GPHN: variants seen among roughly 807,000 people sequenced by gnomAD.
GPHN encodes the protein gephyrin.
In GPHN, 17 loss-of-function variants were observed where a neutral mutation model predicts 95.5. The observed-to-expected ratio is 0.18, with a 90% CI of 0.12 to 0.27. The LOEUF is 0.27. Ranked by LOEUF, GPHN falls within the 10% of genes least tolerant of loss-of-function variation. The probability of loss-of-function intolerance (pLI) is 1.00; values close to 1 mark genes in which losing one functional copy is unlikely to be tolerated. For synonymous variants in GPHN, 320 were observed against 322.5 expected, an observed-to-expected ratio of 0.99 and a Z score of 0.08; for missense variants, 660 against 978.1, an observed-to-expected ratio of 0.67 and a Z score of 4.34.
At chr14:67,111,535 T>A (rs934553041) in intron 14 of GPHN, among the ~76,000 whole-genome samples, 20 of 152,304 alleles carry the variant, frequency 1.3e-4, no homozygotes, top group African/African-American at 4.8e-4. Flanking sequence ...CACCTACATA[T>A]GTATATAAAA....
the GPHN span, among the ~76,000 whole-genome samples, chr14:67,681,813 C>T: frequency 6.6e-6 from 1 of 151,994 alleles, no homozygotes; most frequent in Non-Finnish European, 1.5e-5. Context: ...AGATCACAGA[C>T]CTATGTAATG....
the GPHN span, among the ~76,000 whole-genome samples, chr14:67,194,128 C>T: frequency 2.0e-5 from 3 of 151,638 alleles, no homozygotes; most frequent in Non-Finnish European, 4.4e-5. Flanking sequence ...TTTGGGAGGC[C>T]GAGGTGGGCA....
the GPHN span, among the ~76,000 whole-genome samples, chr14:67,205,563 A>G: frequency 6.6e-6 from 1 of 152,244 alleles, no homozygotes; most frequent in Admixed American, 6.5e-5. Context: ...GAAATAGGAT[A>G]ATAAAAAACA....
chr14:66,907,290 C>T (rs967422244), intron 5 of GPHN, among the ~76,000 whole-genome samples: 1 of 152,140 alleles, frequency 6.6e-6, no homozygotes. Flanking sequence ...GACATCCTTA[C>T]ATGCATATTG....
At chr14:67,151,965 C>G (rs2081311865) in intron 18 of GPHN, among the ~76,000 whole-genome samples, 1 of 152,008 alleles carries the variant, frequency 6.6e-6, no homozygotes, top group South Asian at 2.1e-4. Context: ...TTAAGCCACT[C>G]ATAAAGTGTA....
the GPHN span, among the ~76,000 whole-genome samples, chr14:67,575,018 T>A: frequency 1.3e-5 from 2 of 152,216 alleles, no homozygotes; most frequent in African/African-American, 2.4e-5. Flanking sequence ...TTCTGTTCCT[T>A]CATGATGCAT....
chr14:67,465,153 G>A, the GPHN span, among the ~76,000 whole-genome samples: 77 of 152,378 alleles, frequency 5.1e-4, no homozygotes, highest in Non-Finnish European at 1.0e-3. Context: ...GCACACAGAG[G>A]GCTTCCAGGC....
chr14:67,390,089 C>T, the GPHN span, among the ~76,000 whole-genome samples: 3 of 152,114 alleles, frequency 2.0e-5, no homozygotes, highest in Non-Finnish European at 4.4e-5. Context: ...ACTAAAGGGC[C>T]CTTTTTCTTT....
chr14:67,662,548 G>C, the GPHN span: 1 of 1,603,542 alleles, frequency 6.2e-7, no homozygotes, highest in Non-Finnish European at 8.5e-7. Flanking sequence ...AGAAAAGATA[G>C]ATAAGTTTCA....
chr14:67,438,854 C>T, the GPHN span, among the ~76,000 whole-genome samples: 2 of 138,910 alleles, frequency 1.4e-5, no homozygotes, highest in Non-Finnish European at 3.0e-5. Context: ...GAGTGAGACT[C>T]CGTCTCAAAA....
At chr14:67,695,737 C>T in the GPHN span, 4 of 1,604,636 alleles carry the variant, frequency 2.5e-6, no homozygotes, top group African/African-American at 1.3e-5. Flanking sequence ...GAGCGGGATG[C>T]TCCAGCGTTG....
At chr14:66,915,809 A>G (rs1296335087) in intron 5 of GPHN, among the ~76,000 whole-genome samples, 194 bp from the exon 6 acceptor site, 1 of 152,212 alleles carries the variant, frequency 6.6e-6, no homozygotes, top group Non-Finnish European at 1.5e-5. Context: ...CCAATTTGCC[A>G]TACTAACCAT....
chr14:66,571,679 C>T (rs1029643564), intron 1 of GPHN, among the ~76,000 whole-genome samples: 18 of 152,158 alleles, frequency 1.2e-4, no homozygotes, highest in African/African-American at 4.1e-4. Flanking sequence ...GGCGTGGTGG[C>T]AGGCACCTCT....
intron 11 of GPHN, among the ~76,000 whole-genome samples, chr14:67,083,886 C>T (rs764682273): frequency 1.3e-5 from 2 of 152,048 alleles, no homozygotes; most frequent in Non-Finnish European, 2.9e-5. Context: ...CCTCTTTGAT[C>T]GAAGCTGGTT....
At chr14:67,159,583 T>A (rs2081841822) in intron 19 of GPHN, 95 bp downstream of exon 19, 3 of 786,374 alleles carry the variant, frequency 3.8e-6, no homozygotes, top group Non-Finnish European at 7.0e-6. Flanking sequence ...TTTCCTATTA[T>A]GAATTAACTA....
At chr14:66,793,527 T>A (rs1420614864) in intron 3 of GPHN, among the ~76,000 whole-genome samples, 1 of 152,206 alleles carries the variant, frequency 6.6e-6, no homozygotes, top group East Asian at 1.9e-4. Flanking sequence ...GTAATAATTA[T>A]AGCAATCTTT....
chr14:67,034,477 C>T (rs1228800191), intron 10 of GPHN, among the ~76,000 whole-genome samples: 1 of 151,890 alleles, frequency 6.6e-6, no homozygotes, highest in Non-Finnish European at 1.5e-5. Context: ...ATTAAACTCC[C>T]CAGTAAAAAG....
intron 2 of GPHN, among the ~76,000 whole-genome samples, chr14:66,696,480 T>G (rs538132417): frequency 6.6e-6 from 1 of 152,330 alleles, no homozygotes; most frequent in South Asian, 2.1e-4. Flanking sequence ...TATTTTATAC[T>G]TGGAGCTGAA....
Position 67,156,283 on chromosome 14 carries a change from C to T in GPHN, c.1837-3132C>T, listed in dbSNP as rs537211966. On this transcript the variant is annotated intron_variant, in intron 18 of 22. Coordinates refer to ENST00000478722, the MANE Select transcript of GPHN (RefSeq NM_020806.5). ...ACATAGTATATGTAGAAAATATATA[C>T]AATAAATAAAATACATATACTTAAA... 2.6e-5 allele frequency among the ~76,000 whole-genome samples: 4 copies of T among 151,812 alleles called. No individual in the cohort carries two copies. In the South Asian group the frequency reaches 6.2e-4, roughly 24 times the overall value.
Sources: gnomAD v4.1 joint callset for allele counts (sites outside exome capture counted in the v4.1 genomes callset) on GRCh38, gnomAD v4.1.1 for gene constraint, MANE v1.5 for transcripts, NCBI Gene and HGNC (gene_info 2026-07-23, HGNC 2026-07-21) for gene names.